SLC14A2: variants seen among roughly 807,000 people sequenced by gnomAD.
SLC14A2 encodes the protein solute carrier family 14 member 2, also known as urea transporter 2.
Under a neutral mutation model 104.6 loss-of-function variants are expected in SLC14A2, and 91 were observed. The ratio of observed to expected loss-of-function variants is 0.87; its 90% CI spans 0.73 to 1.04. The LOEUF is 1.04. Among genes scored for constraint, SLC14A2 ranks in the 50% least tolerant of loss-of-function variants. The probability of loss-of-function intolerance (pLI) is 0.00; values close to 1 mark genes in which losing one functional copy is unlikely to be tolerated. For synonymous variants in SLC14A2, 476 were observed against 466.4 expected (o/e 1.02, Z -0.27); for missense variants, 1,189 against 1,156.0 (o/e 1.03, Z -0.41).
In SLC14A2 at chr18:45,284,607, C is replaced by A. The variant is rs75042930; in HGVS notation, c.-125+71416C>A. On this transcript the variant is annotated intron_variant, in intron 1 of 20. Coordinates refer to the SLC14A2 transcript ENST00000586448. ...GACTTCCTGCTGTTTTCATTGCAGT[C>A]TCACTCTCATCTCCCCATTTCACTT... Among the ~76,000 whole-genome samples the A allele has an allele frequency of 6.8e-3, 1,033 of 152,292 alleles. 12 individuals carry two copies. Among genetic ancestry groups the A allele is most frequent in the African/African-American group, 0.023 (956 of 41,558 alleles).
At position 45,404,105 on chromosome 18, in the gene SLC14A2, C is replaced by T. The variant is rs1415839969; in HGVS notation, c.-124-79128C>T. Among the ~76,000 whole-genome samples the T allele has an allele frequency of 2.0e-5, 3 of 152,286 alleles. No homozygotes were observed. The East Asian group carries it at 5.8e-4, about 29-fold the overall frequency. Reference sequence around the variant, plus strand: ...GGCATTAAAACTCTATTACCTCTTCCCAATTTGAGAGGTTCTCCCACTTTC... The same window carrying T: ...GGCATTAAAACTCTATTACCTCTTCTCAATTTGAGAGGTTCTCCCACTTTC... On this transcript the variant is annotated intron_variant, in intron 1 of 20. Transcript: ENST00000586448.
intron 1 of SLC14A2, among the ~76,000 whole-genome samples, chr18:45,230,084 A>C (rs2084159741): frequency 6.6e-6 from 1 of 152,214 alleles, no homozygotes; most frequent in Admixed American, 6.5e-5. Flanking sequence ...GGTTATTGTA[A>C]TCATCATCAT....
At chr18:45,288,673 C>G (rs891035873) in intron 1 of SLC14A2, among the ~76,000 whole-genome samples, 4 of 152,196 alleles carry the variant, frequency 2.6e-5, no homozygotes, top group Admixed American at 6.5e-5. Context: ...ATCATAGTTC[C>G]TTCCTCATCC....
intron 1 of SLC14A2, among the ~76,000 whole-genome samples, chr18:45,256,716 C>T (rs532105543): frequency 6.6e-6 from 1 of 152,206 alleles, no homozygotes; most frequent in Non-Finnish European, 1.5e-5. Context: ...TTGCTATCAC[C>T]AATTGATGAC....
intron 1 of SLC14A2, among the ~76,000 whole-genome samples, chr18:45,407,963 A>T (rs1356253770): frequency 6.6e-6 from 1 of 152,242 alleles, no homozygotes; most frequent in Non-Finnish European, 1.5e-5. Context: ...CCAAACTGTA[A>T]CACAGAGACA....
At position 45,667,109 on chromosome 18, in the gene SLC14A2, GAAC is replaced by G. The variant is rs761125026; in HGVS notation, c.1717+20_1717+22del. The G allele has an allele frequency of 6.8e-6, 11 of 1,607,492 alleles. No individual in the cohort carries two copies. The highest frequency in any genetic ancestry group is 1.8e-4 in the Middle Eastern group (1 of 5,436). Reference sequence around the variant, plus strand: ...GGGACTTAAAGGTAAAATTCTATGAGAACAACACTGACCCTGACCCTAAAAACT... The same window carrying G: ...GGGACTTAAAGGTAAAATTCTATGAGAACACTGACCCTGACCCTAAAAACT... On this transcript the variant is annotated intron_variant, in intron 13 of 19. Transcript: ENST00000255226.
Position 45,371,893 on chromosome 18 carries a change from T to G in SLC14A2, c.-124-111340T>G, listed in dbSNP as rs2085726763. ...TACCAGGATAAGGTTTTTAAAAGGATATAGAAAAGGGTTATCTGATGCAGA... is the reference window on the plus strand; with the variant it reads ...TACCAGGATAAGGTTTTTAAAAGGAGATAGAAAAGGGTTATCTGATGCAGA... On this transcript the variant is annotated intron_variant, in intron 1 of 20. Transcript: ENST00000586448. Among the ~76,000 whole-genome samples the G allele has an allele frequency of 2.0e-5, 3 of 152,218 alleles. No individual in the cohort carries two copies. The South Asian group carries it at 6.2e-4, about 32-fold the overall frequency.
intron 1 of SLC14A2, among the ~76,000 whole-genome samples, chr18:45,411,549 C>T (rs1011507755): frequency 1.3e-5 from 2 of 152,180 alleles, no homozygotes; most frequent in South Asian, 2.1e-4. Flanking sequence ...AAGTGCAAAC[C>T]GTGCCATCTC....
intron 2 of SLC14A2, among the ~76,000 whole-genome samples, chr18:45,519,700 G>T (rs2043489998): frequency 1.3e-5 from 2 of 152,184 alleles, no homozygotes. Flanking sequence ...AAGGGGCTAA[G>T]CCAAAGATCT....
chr18:45,665,337 T>C (rs2046000039), intron 11 of SLC14A2, among the ~76,000 whole-genome samples: 1 of 152,186 alleles, frequency 6.6e-6, no homozygotes, highest in Admixed American at 6.5e-5. Context: ...TCCAGGGGCC[T>C]GAACATCTTT....
intron 1 of SLC14A2, among the ~76,000 whole-genome samples, chr18:45,327,324 T>C (rs778584595): frequency 3.9e-5 from 6 of 152,130 alleles, no homozygotes; most frequent in Non-Finnish European, 8.8e-5. Flanking sequence ...AGCCCAGTGC[T>C]TTTTTGGTAA....
At chr18:45,547,443 G>A (rs867970469) in intron 2 of SLC14A2, among the ~76,000 whole-genome samples, 7 of 152,136 alleles carry the variant, frequency 4.6e-5, no homozygotes, top group African/African-American at 1.7e-4. Context: ...TCAGCCAAGA[G>A]AGCCGCAGAA....
At chr18:45,257,479 T>G (rs1599619590) in intron 1 of SLC14A2, among the ~76,000 whole-genome samples, 3 of 152,222 alleles carry the variant, frequency 2.0e-5, no homozygotes, top group Admixed American at 2.0e-4. Context: ...AAATGGCAGG[T>G]CAGCTATTGG....
chr18:45,655,449 C>T (rs899886011), intron 10 of SLC14A2, among the ~76,000 whole-genome samples: 4 of 152,330 alleles, frequency 2.6e-5, no homozygotes, highest in African/African-American at 9.6e-5. Flanking sequence ...GACCCCTTCT[C>T]TCAAATGTAT....
At chr18:45,250,948 A>G (rs2084416917) in intron 1 of SLC14A2, among the ~76,000 whole-genome samples, 1 of 152,110 alleles carries the variant, frequency 6.6e-6, no homozygotes, top group Non-Finnish European at 1.5e-5. Flanking sequence ...CTCCTCTGAA[A>G]GAGTTAGCAG....
At chr18:45,189,906 T>G in the SLC14A2 span, among the ~76,000 whole-genome samples, 1 of 152,014 alleles carries the variant, frequency 6.6e-6, no homozygotes, top group African/African-American at 2.4e-5. Context: ...TAGTTTACAT[T>G]TAGATGAGGC....
chr18:45,310,467 C>T (rs2085067375), intron 1 of SLC14A2, among the ~76,000 whole-genome samples: 1 of 152,186 alleles, frequency 6.6e-6, no homozygotes, highest in Admixed American at 6.5e-5. Flanking sequence ...AGTTAACTGG[C>T]TTGAACAAGC....
chr18:45,590,511 C>T lies in SLC14A2; in HGVS notation c.-34-34120C>T, dbSNP rs1039868550. 1.8e-4 allele frequency among the ~76,000 whole-genome samples: 28 copies of T among 152,070 alleles called. 1 individual carries two copies. The highest frequency in any genetic ancestry group is 1.8e-3 in the Admixed American group (27 of 15,274). On this transcript the variant is annotated intron_variant, in intron 2 of 20. Transcript: ENST00000586448. Reference sequence around the variant, plus strand: ...TGAATTGGTTTTGTTTTCTGGAAACCGCCACAGGACATGGGCAATTGCAGG... The same window carrying T: ...TGAATTGGTTTTGTTTTCTGGAAACTGCCACAGGACATGGGCAATTGCAGG...
intron 2 of SLC14A2, among the ~76,000 whole-genome samples, chr18:45,510,878 C>T (rs1018253612): frequency 2.0e-5 from 3 of 152,208 alleles, no homozygotes; most frequent in East Asian, 1.9e-4. Flanking sequence ...ATGCTCAGAG[C>T]GGCTGCACTG....
Sources: allele counts gnomAD v4.1 joint callset (sites outside exome capture counted in the v4.1 genomes callset), GRCh38; gene constraint gnomAD v4.1.1; transcripts MANE v1.5; gene names NCBI Gene and HGNC (gene_info 2026-07-23, HGNC 2026-07-21).